Variants in ARL15 observed in about 807,000 individuals in gnomAD.
ARL15 encodes ARF like GTPase 15, also known as ADP-ribosylation factor-like protein 15.
Under a neutral mutation model 25.2 loss-of-function variants are expected in ARL15, and 19 were observed. That is an observed-to-expected ratio of 0.75 (90% CI 0.53 to 1.10). The LOEUF (loss-of-function observed/expected upper bound fraction) is 1.10, where lower values mean the gene tolerates loss of function less well. Ranked by LOEUF, ARL15 falls within the 50% of genes least tolerant of loss-of-function variation. The pLI is 0.00. For missense variants in ARL15, 220 were observed against 246.0 expected, an observed-to-expected ratio of 0.89 and a Z score of 0.71; for synonymous variants, 94 against 86.8, an observed-to-expected ratio of 1.08 and a Z score of -0.46.
chr5:54,039,851 A>C (rs1374521745), intron 4 of ARL15, among the ~76,000 whole-genome samples: 1 of 151,090 alleles, frequency 6.6e-6, no homozygotes, highest in Non-Finnish European at 1.5e-5. Context: ...TAATAAATGC[A>C]GCTAGAAATG....
chr5:54,055,814 G>T (rs146828324), intron 4 of ARL15, among the ~76,000 whole-genome samples: 169 of 152,066 alleles, frequency 1.1e-3, no homozygotes, highest in African/African-American at 3.3e-3. Context: ...AACTCCCATG[G>T]CATTCCACTG....
chr5:53,923,400 C>CTCCG (rs1554026762), intron 4 of ARL15, among the ~76,000 whole-genome samples: 2 of 152,130 alleles, frequency 1.3e-5, no homozygotes, highest in Non-Finnish European at 1.5e-5. Flanking sequence ...ACCCCACTGC[C>CTCCG]TCCTTGTCGG....
intron 4 of ARL15, among the ~76,000 whole-genome samples, chr5:53,990,764 A>G (rs1232412386): frequency 6.6e-6 from 1 of 152,210 alleles, no homozygotes; most frequent in African/African-American, 2.4e-5. Flanking sequence ...GGATGCTCAT[A>G]TCACAGGGAA....
At chr5:54,262,342 G>C (rs1335764709) in intron 1 of ARL15, among the ~76,000 whole-genome samples, 1 of 152,086 alleles carries the variant, frequency 6.6e-6, no homozygotes, top group Admixed American at 6.6e-5. Context: ...AGAAGAGAAG[G>C]CCCAGATTAT....
At chr5:54,220,012 C>G (rs1283476262) in intron 1 of ARL15, among the ~76,000 whole-genome samples, 1 of 152,056 alleles carries the variant, frequency 6.6e-6, no homozygotes, top group African/African-American at 2.4e-5. Context: ...TATTTACAGT[C>G]TTTAAGAAAA....
At chr5:54,146,014 G>A (rs1239711993) in intron 3 of ARL15, among the ~76,000 whole-genome samples, 2 of 151,956 alleles carry the variant, frequency 1.3e-5, no homozygotes, top group Admixed American at 1.3e-4. Flanking sequence ...CTTCCTATAT[G>A]ATCCTAACTG....
intron 4 of ARL15, among the ~76,000 whole-genome samples, chr5:53,951,847 ATTTTTTTTTTTT>A (rs59369848): frequency 1.0e-5 from 1 of 98,220 alleles, no homozygotes. Flanking sequence ...ACATAAAAGA[ATTTTTTTTTTTT>A]TTTTTTTTTT....
chr5:54,294,908 G>A (rs754554052), intron 1 of ARL15, among the ~76,000 whole-genome samples: 1 of 152,140 alleles, frequency 6.6e-6, no homozygotes, highest in African/African-American at 2.4e-5. Flanking sequence ...GAAAAGAACT[G>A]CTTTAAGACA....
chr5:54,029,379 A>ACCACCACCACCACCACCAC (rs1554035239), intron 4 of ARL15, among the ~76,000 whole-genome samples: 2 of 121,174 alleles, frequency 1.7e-5, no homozygotes, highest in African/African-American at 3.3e-5. Context: ...CACCACCACT[A>ACCACCACCACCACCACCAC]CACCTAGAGA....
chr5:54,242,658 G>A lies in ARL15; in HGVS notation c.48+67774C>T, dbSNP rs1006922362. Among the ~76,000 whole-genome samples the A allele has an allele frequency of 3.3e-5, 5 of 152,268 alleles. No homozygotes were observed. In the South Asian group the frequency reaches 6.2e-4, roughly 19 times the overall value. ...CGGCAGCCATCTTGCCACCAGGAAG[G>A]GAAGCCTCTTCTGAAGATGGAGACA... On this transcript the variant is annotated intron_variant, in intron 1 of 4. Coordinates refer to ENST00000504924, the MANE Select transcript of ARL15 (RefSeq NM_019087.3).
chr5:54,040,319 T>C (rs1750299143), intron 4 of ARL15, among the ~76,000 whole-genome samples: 1 of 152,162 alleles, frequency 6.6e-6, no homozygotes. Context: ...ACAGGTGAAC[T>C]ATCACATACC....
chr5:54,085,203 T>G (rs947898622), intron 4 of ARL15, among the ~76,000 whole-genome samples: 9 of 152,190 alleles, frequency 5.9e-5, no homozygotes. Flanking sequence ...CCTGTGAGCT[T>G]CAGAATGCTT....
At chr5:54,180,382 G>T (rs751553198) in intron 1 of ARL15, among the ~76,000 whole-genome samples, 1 of 152,096 alleles carries the variant, frequency 6.6e-6, no homozygotes, top group Non-Finnish European at 1.5e-5. Flanking sequence ...GTGACTAGTG[G>T]TTCTTGCAAA....
chr5:54,194,206 A>C (rs1755489103), intron 1 of ARL15, among the ~76,000 whole-genome samples: 1 of 152,182 alleles, frequency 6.6e-6, no homozygotes, highest in South Asian at 2.1e-4. Context: ...GAACTTAAGC[A>C]TTTTTAAAGC....
intron 4 of ARL15, among the ~76,000 whole-genome samples, chr5:54,108,718 G>A (rs1752654533): frequency 6.6e-6 from 1 of 151,898 alleles, no homozygotes; most frequent in Non-Finnish European, 1.5e-5. Flanking sequence ...GACACAGATT[G>A]CCCAAGAATT....
intron 1 of ARL15, among the ~76,000 whole-genome samples, chr5:54,233,124 T>C (rs1454537984): frequency 6.6e-6 from 1 of 152,230 alleles, no homozygotes; most frequent in Non-Finnish European, 1.5e-5. Flanking sequence ...ATGGCCTTGA[T>C]GAAGCAGTAA....
At chr5:54,004,057 G>A (rs1208885444) in intron 4 of ARL15, among the ~76,000 whole-genome samples, 1 of 152,104 alleles carries the variant, frequency 6.6e-6, no homozygotes, top group African/African-American at 2.4e-5. Context: ...CACTTCCATA[G>A]GAAACTTTCC....
At chr5:54,064,278 A>C (rs1751151071) in intron 4 of ARL15, among the ~76,000 whole-genome samples, 1 of 152,196 alleles carries the variant, frequency 6.6e-6, no homozygotes, top group Non-Finnish European at 1.5e-5. Context: ...AAAAGGAAGA[A>C]AGGATGCAAA....
intron 4 of ARL15, among the ~76,000 whole-genome samples, chr5:54,082,795 A>G (rs1751844014): frequency 6.7e-6 from 1 of 149,830 alleles, no homozygotes; most frequent in South Asian, 2.1e-4. Flanking sequence ...GGAAAATTAG[A>G]TGCAAAATCA....
Sources: allele counts gnomAD v4.1 joint callset (sites outside exome capture counted in the v4.1 genomes callset), GRCh38; gene constraint gnomAD v4.1.1; transcripts MANE v1.5; gene names NCBI Gene and HGNC (gene_info 2026-07-23, HGNC 2026-07-21).